The following MYO9A variants were observed in gnomAD, a reference collection of about 807,000 sequenced individuals.
MYO9A encodes unconventional myosin-IXa.
Under a neutral mutation model 293.3 loss-of-function variants are expected in MYO9A, and 103 were observed. The observed-to-expected ratio is 0.35, with a 90% CI of 0.30 to 0.41. The LOEUF (loss-of-function observed/expected upper bound fraction) is 0.41. Ranked by LOEUF, MYO9A falls within the 10% of genes least tolerant of loss-of-function variation. The probability of loss-of-function intolerance (pLI) is 1.00; values close to 1 mark genes in which losing one functional copy is unlikely to be tolerated. For synonymous variants in MYO9A, 1,001 were observed against 1,035.7 expected, an observed-to-expected ratio of 0.97 and a Z score of 0.64; for missense variants, 2,685 against 3,033.0, an observed-to-expected ratio of 0.89 and a Z score of 2.69.
rs754401114 is a variant in MYO9A, at chr15:72,046,158, C to T, written c.406G>A (p.Glu136Lys). 1 of 1,614,152 alleles carries T rather than the reference C, an allele frequency of 6.2e-7. No individual in the cohort carries two copies. Among genetic ancestry groups the T allele is most frequent in the East Asian group, 2.2e-5 (1 of 44,878 alleles). ...RVTEERRRMMERGFLPQPQQK... is the reference protein window; with the variant it reads ...RVTEERRRMMKRGFLPQPQQK... ...TGAGGCTGTGGAAGAAAACCCCGTT[C>T]CATCATCCTGCGACGTTCTTCTGTT... The change falls in exon 2 of 42, where the codon GAA (glutamate) becomes AAA (lysine). Residue 136 changes from glutamate (E) to lysine (K), a missense_variant. Coordinates refer to ENST00000356056, the MANE Select transcript of MYO9A (RefSeq NM_006901.4).
chr15:71,982,800 T>C (rs1379168695), intron 11 of MYO9A, among the ~76,000 whole-genome samples: 2 of 152,368 alleles, frequency 1.3e-5, no homozygotes, highest in Admixed American at 1.3e-4. Flanking sequence ...TTGAGTTTTA[T>C]TCATTATTGC....
intron 8 of MYO9A, among the ~76,000 whole-genome samples, chr15:72,003,372 A>C (rs1351549558): frequency 6.6e-6 from 1 of 152,014 alleles, no homozygotes; most frequent in Non-Finnish European, 1.5e-5. Context: ...GAAAAATTTT[A>C]AAGAGTGAAA....
At chr15:71,847,989 C>T (rs967866610) in intron 39 of MYO9A, among the ~76,000 whole-genome samples, 2 of 152,056 alleles carry the variant, frequency 1.3e-5, no homozygotes, top group Non-Finnish European at 1.5e-5. Flanking sequence ...ACTGCTGGAC[C>T]CCTGAAAGAG....
At chr15:71,887,260 T>C (rs1007518218) in intron 27 of MYO9A, among the ~76,000 whole-genome samples, 3 of 152,136 alleles carry the variant, frequency 2.0e-5, no homozygotes, top group African/African-American at 7.2e-5. Flanking sequence ...CTGCTAAGTA[T>C]AGAGGGAGAT....
At chr15:71,861,830 CAG>C (rs1230609135) in intron 33 of MYO9A, among the ~76,000 whole-genome samples, 1 of 151,828 alleles carries the variant, frequency 6.6e-6, no homozygotes, top group Non-Finnish European at 1.5e-5. Flanking sequence ...AGTGAAAGAA[CAG>C]AGAATTTCGG....
At chr15:71,935,187 C>T in intron 17 of MYO9A, 154 bp downstream of exon 17, 1 of 783,060 alleles carries the variant, frequency 1.3e-6, no homozygotes. Context: ...GCTGTAAACG[C>T]TACCTAAATA....
intron 6 of MYO9A, among the ~76,000 whole-genome samples, chr15:72,014,984 C>T (rs1260083256): frequency 6.6e-6 from 1 of 150,614 alleles, no homozygotes; most frequent in East Asian, 2.0e-4. Context: ...GCTGGGACTA[C>T]AGGCACGTAT....
At position 72,024,774 on chromosome 15, in the gene MYO9A, T is replaced by C. The variant is rs28872877; in HGVS notation, c.998+2957A>G. ...TAAGTTGTCATTATTCCAAACTACA[T>C]TGTTATCAGATTTTAACTACAATGC... On this transcript the variant is annotated intron_variant, in intron 4 of 41. Transcript: ENST00000356056. Among the ~76,000 whole-genome samples, 639 of 152,238 alleles carry C rather than the reference T, an allele frequency of 4.2e-3. 6 individuals are homozygous for C. Among genetic ancestry groups the C allele is most frequent in the African/African-American group, 0.015 (612 of 41,540 alleles).
chr15:71,941,489 G>A (rs947664240), intron 15 of MYO9A, among the ~76,000 whole-genome samples: 8 of 152,156 alleles, frequency 5.3e-5, no homozygotes, highest in Non-Finnish European at 1.0e-4. Flanking sequence ...TTGCCCATTT[G>A]TTCGAATTAG....
At chr15:72,006,856 C>A (rs1363459114) in intron 8 of MYO9A, among the ~76,000 whole-genome samples, 1 of 152,178 alleles carries the variant, frequency 6.6e-6, no homozygotes, top group Admixed American at 6.5e-5. Context: ...AGGAATTGCT[C>A]ATAAGCACTG....
Position 72,042,126 on chromosome 15 carries a change from CA to C in MYO9A, c.840+3597del, listed in dbSNP as rs1327605018. On this transcript the variant is annotated intron_variant, in intron 2 of 41. Coordinates refer to ENST00000356056, the MANE Select transcript of MYO9A (RefSeq NM_006901.4). The stretch of plus-strand genomic sequence containing the variant: ...TTCTATCAATGCAAAAGATTGAATG[CA>C]AAAAAAAAAGACATTAAAGAAAACA... 2.3e-3 allele frequency among the ~76,000 whole-genome samples: 116 copies of C among 49,660 alleles called. 1 individual carries two copies. The highest frequency in any genetic ancestry group is 6.8e-3 in the African/African-American group (89 of 13,088). The allele number at this position is 49,660 out of a possible 152,430, so 32.6% of individuals were successfully genotyped here.
At chr15:72,062,487 C>G (rs1056477358) in intron 1 of MYO9A, among the ~76,000 whole-genome samples, 1 of 152,048 alleles carries the variant, frequency 6.6e-6, no homozygotes. Flanking sequence ...ATCAGATAAA[C>G]TTAACAAAGA....
chr15:71,844,329 T>G (rs1445619625), intron 39 of MYO9A, among the ~76,000 whole-genome samples: 1 of 152,242 alleles, frequency 6.6e-6, no homozygotes, highest in Non-Finnish European at 1.5e-5. Context: ...AGATTTGCCA[T>G]GCTCTGTCTA....
intron 11 of MYO9A, among the ~76,000 whole-genome samples, chr15:71,978,615 T>C (rs771227327): frequency 1.6e-4 from 24 of 152,106 alleles, no homozygotes; most frequent in Non-Finnish European, 2.9e-4. Flanking sequence ...AAAAGGCTAA[T>C]ATCTCCCACA....
At chr15:72,077,733 G>GAA (rs60518266) in intron 1 of MYO9A, among the ~76,000 whole-genome samples, 65 of 87,408 alleles carry the variant, frequency 7.4e-4, no homozygotes, top group African/African-American at 2.6e-3. Flanking sequence ...CTGTCTCAAA[G>GAA]AAAAAAAAAA....
intron 1 of MYO9A, among the ~76,000 whole-genome samples, chr15:72,072,989 T>C (rs2079241166): frequency 6.6e-6 from 1 of 152,230 alleles, no homozygotes; most frequent in Non-Finnish European, 1.5e-5. Flanking sequence ...TCAACTTAAG[T>C]GTCCATCAAT....
rs1237107710 is a variant in MYO9A, at chr15:72,009,437, AAC to A, written c.1253+911_1253+912del. 5.9e-5 allele frequency among the ~76,000 whole-genome samples: 9 copies of A among 152,278 alleles called. No individual in the cohort carries two copies. In the South Asian group the frequency reaches 1.9e-3, roughly 32 times the overall value. On this transcript the variant is annotated intron_variant, in intron 7 of 41. Transcript: ENST00000356056. The stretch of plus-strand genomic sequence containing the variant: ...ATCAATCATGAGGTTAAAAATTAAC[AAC>A]AGAGGGCGGGCGCAGTGGCTCATGC...
At position 71,981,208 on chromosome 15, in the gene MYO9A, G is replaced by A. The variant is rs185529234; in HGVS notation, c.1723-2916C>T. Among the ~76,000 whole-genome samples the A allele has an allele frequency of 3.3e-5, 5 of 152,110 alleles. No individual in the cohort carries two copies. In the East Asian group the frequency reaches 9.7e-4, roughly 29 times the overall value. ...TTATTAATGTTTGTTTAGAATTTTT[G>A]TATCTGTGTTTATGAGTGAAACTGA... is the stretch of plus-strand genomic sequence containing the variant. On this transcript the variant is annotated intron_variant, in intron 11 of 41. Coordinates refer to ENST00000356056, the MANE Select transcript of MYO9A (RefSeq NM_006901.4).
chr15:72,066,279 G>A (rs932460927), intron 1 of MYO9A, among the ~76,000 whole-genome samples: 6 of 152,118 alleles, frequency 3.9e-5, no homozygotes, highest in Non-Finnish European at 8.8e-5. Flanking sequence ...ACGAGGTCAA[G>A]AGATCAAGAC....
Sources: allele counts gnomAD v4.1 joint callset (sites outside exome capture counted in the v4.1 genomes callset), GRCh38; gene constraint gnomAD v4.1.1; transcripts MANE v1.5; gene names NCBI Gene and HGNC (gene_info 2026-07-23, HGNC 2026-07-21).